Variants in OPCML observed in about 807,000 individuals in gnomAD.
OPCML encodes opioid binding protein/cell adhesion molecule like, also known as opioid-binding protein/cell adhesion molecule.
OPCML carries 13 observed loss-of-function variants against 37.8 expected under a neutral mutation model. The ratio of observed to expected loss-of-function variants is 0.34; its 90% confidence interval spans 0.22 to 0.55. The LOEUF is 0.55. OPCML is among the 20% of genes least tolerant of loss of function. The pLI is 0.91. For synonymous variants in OPCML, 176 were observed against 168.8 expected (o/e 1.04, Z -0.33); for missense variants, 341 against 435.6 (o/e 0.78, Z 1.93).
At chr11:132,468,335 C>G (rs1324474066) in intron 4 of OPCML, among the ~76,000 whole-genome samples, 1 of 152,190 alleles carries the variant, frequency 6.6e-6, no homozygotes, top group Non-Finnish European at 1.5e-5. Flanking sequence ...TACCCCCATC[C>G]TTTCTCAAGA....
chr11:132,644,491 AAAG>A (rs965625445), intron 3 of OPCML, among the ~76,000 whole-genome samples: 8 of 152,136 alleles, frequency 5.3e-5, no homozygotes, highest in Non-Finnish European at 1.2e-4. Flanking sequence ...AAAAAATAAG[AAAG>A]AAAAAAAATT....
At chr11:132,932,948 G>T (rs1261648810) in intron 2 of OPCML, among the ~76,000 whole-genome samples, 1 of 151,934 alleles carries the variant, frequency 6.6e-6, no homozygotes, top group Non-Finnish European at 1.5e-5. Context: ...CCAGAGTTGG[G>T]ATTCAAAATG....
intron 4 of OPCML, among the ~76,000 whole-genome samples, chr11:132,489,643 C>T (rs2096209800): frequency 6.6e-6 from 1 of 151,922 alleles, no homozygotes; most frequent in Non-Finnish European, 1.5e-5. Flanking sequence ...CCTATGGGAC[C>T]ACCGTTCTGT....
chr11:132,649,321 C>T (rs1043741714), intron 3 of OPCML, among the ~76,000 whole-genome samples: 1 of 152,096 alleles, frequency 6.6e-6, no homozygotes, highest in African/African-American at 2.4e-5. Flanking sequence ...TCACCAACCA[C>T]ACACAATGTC....
intron 1 of OPCML, among the ~76,000 whole-genome samples, chr11:133,106,963 C>T (rs1449536128): frequency 6.6e-6 from 1 of 152,152 alleles, no homozygotes; most frequent in African/African-American, 2.4e-5. Flanking sequence ...GGAAAGCTCT[C>T]CAAAGAACAG....
At chr11:132,700,204 G>A (rs1266083152) in intron 2 of OPCML, among the ~76,000 whole-genome samples, 2 of 151,002 alleles carry the variant, frequency 1.3e-5, no homozygotes, top group Admixed American at 1.3e-4. Context: ...TTTTTTCTTA[G>A]TCTAGCTAAA....
At chr11:132,778,546 A>G (rs960968955) in intron 2 of OPCML, among the ~76,000 whole-genome samples, 2 of 152,218 alleles carry the variant, frequency 1.3e-5, no homozygotes, top group African/African-American at 4.8e-5. Context: ...ATTCAGCAGC[A>G]TTTTACATCC....
Position 133,212,101 on chromosome 11 carries a change from G to C in OPCML, c.62-269091C>G, listed in dbSNP as rs1939385721. Among the ~76,000 whole-genome samples the C allele has an allele frequency of 6.6e-6, 1 of 152,060 alleles. No individual in the cohort carries two copies. Among genetic ancestry groups the C allele is most frequent in the Non-Finnish European group, 1.5e-5 (1 of 68,028 alleles). On this transcript the variant is annotated intron_variant, in intron 1 of 7. Coordinates refer to ENST00000524381, the MANE Select transcript of OPCML (RefSeq NM_001012393.5). The surrounding 1 kb of genome is among the most constrained non-coding windows in gnomAD (Gnocchi z 4.9). ...TGGGGTTACACCTGCATAGTGAGGT[G>C]GGGGGTCAGGATCCTTCACCTGCTG...
chr11:132,441,157 A>ATTTTTT (rs2096031346), intron 4 of OPCML, among the ~76,000 whole-genome samples: 1 of 126,498 alleles, frequency 7.9e-6, no homozygotes, highest in Admixed American at 8.1e-5. Context: ...TTCACCAAGG[A>ATTTTTT]CTTTTTTGTT....
chr11:132,614,868 T>G (rs954723823), intron 3 of OPCML, among the ~76,000 whole-genome samples: 2 of 152,236 alleles, frequency 1.3e-5, no homozygotes, highest in East Asian at 3.9e-4. Context: ...TTTACGTTTT[T>G]GTCACTGACT....
chr11:132,890,313 G>T (rs1943590877), intron 2 of OPCML, among the ~76,000 whole-genome samples: 1 of 152,070 alleles, frequency 6.6e-6, no homozygotes, highest in Admixed American at 6.6e-5. Context: ...TCAGCTTCTG[G>T]GGGAGTCAAG....
At chr11:132,888,298 C>A (rs898921650) in intron 2 of OPCML, among the ~76,000 whole-genome samples, 1 of 152,092 alleles carries the variant, frequency 6.6e-6, no homozygotes, top group Non-Finnish European at 1.5e-5. Context: ...CCAGGCTGCA[C>A]GGCCTAGAAT....
intron 1 of OPCML, among the ~76,000 whole-genome samples, chr11:133,355,297 C>T (rs555251810): frequency 6.6e-6 from 1 of 152,316 alleles, no homozygotes; most frequent in East Asian, 1.9e-4. Context: ...CTAGCACTTC[C>T]TGTTTCTCAG....
rs186198813 is a variant in OPCML, at chr11:132,582,207, G to A, written c.380-53021C>T. On this transcript the variant is annotated intron_variant, in intron 3 of 7. Coordinates refer to ENST00000524381, the MANE Select transcript of OPCML (RefSeq NM_001012393.5). ...AAGGATCCCATGTACAATTGGGAAAGAGAACAATTTTATGATAATTTCTAC... is the reference window on the plus strand; with the variant it reads ...AAGGATCCCATGTACAATTGGGAAAAAGAACAATTTTATGATAATTTCTAC... 2.0e-5 allele frequency among the ~76,000 whole-genome samples: 3 copies of A among 151,570 alleles called. No individual in the cohort carries two copies. In the South Asian group the frequency reaches 6.3e-4, roughly 32 times the overall value.
At chr11:133,203,234 G>T (rs904237322) in intron 1 of OPCML, among the ~76,000 whole-genome samples, 2 of 152,234 alleles carry the variant, frequency 1.3e-5, no homozygotes, top group African/African-American at 2.4e-5. Flanking sequence ...ATCTCTTTGG[G>T]ATAGGTTTGC....
In OPCML at chr11:132,768,067, G is replaced by C. The variant is rs2136114539; in HGVS notation, c.147-110748C>G. ...AGATGGTGTTGACCCAGTGTCAGAA[G>C]TCAAACAAAGGTACACGTACACGCT... On this transcript the variant is annotated intron_variant, in intron 2 of 7. Transcript: ENST00000524381. 1.3e-5 allele frequency among the ~76,000 whole-genome samples: 2 copies of C among 152,310 alleles called. 1 individual carries two copies. Among genetic ancestry groups the C allele is most frequent in the South Asian group, 4.1e-4 (2 of 4,830 alleles).
intron 1 of OPCML, among the ~76,000 whole-genome samples, chr11:132,986,623 T>C (rs191942884): frequency 3.9e-5 from 6 of 152,230 alleles, no homozygotes; most frequent in Admixed American, 2.6e-4. Flanking sequence ...AATAAATAAT[T>C]TGGAAATAAT....
At chr11:132,789,093 C>A (rs905996724) in intron 2 of OPCML, among the ~76,000 whole-genome samples, 2 of 152,178 alleles carry the variant, frequency 1.3e-5, no homozygotes, top group Admixed American at 6.5e-5. Context: ...ACATGCCATT[C>A]CCTCAGCCTG....
At chr11:132,747,062 A>G (rs139633727) in intron 2 of OPCML, among the ~76,000 whole-genome samples, 4 of 152,338 alleles carry the variant, frequency 2.6e-5, no homozygotes, top group African/African-American at 9.6e-5. Flanking sequence ...TAGGGTAATA[A>G]TAGTAACTAG....
Sources: gnomAD v4.1 joint callset for allele counts (sites outside exome capture counted in the v4.1 genomes callset) on GRCh38, gnomAD v4.1.1 for gene constraint, Gnocchi (gnomAD v3.1) non-coding constraint, MANE v1.5 for transcripts, NCBI Gene and HGNC (gene_info 2026-07-23, HGNC 2026-07-21) for gene names.